Variants in PDE3B observed in about 807,000 individuals in gnomAD.
PDE3B encodes phosphodiesterase 3B, also known as cGMP-inhibited 3',5'-cyclic phosphodiesterase 3B.
PDE3B carries 66 observed loss-of-function variants against 116.8 expected under a neutral mutation model. That is an observed-to-expected ratio of 0.56 (90% confidence interval 0.46 to 0.69). The LOEUF (loss-of-function observed/expected upper bound fraction) is 0.69. PDE3B is among the 30% of genes least tolerant of loss of function. The probability of loss-of-function intolerance (pLI) is 0.00; values close to 1 mark genes in which losing one functional copy is unlikely to be tolerated. For missense variants in PDE3B, 1,384 were observed against 1,368.1 expected (o/e 1.01, Z -0.18); for synonymous variants, 595 against 533.6 (o/e 1.12, Z -1.59).
chr11:14,833,276 TA>T (rs1226379444), intron 10 of PDE3B, among the ~76,000 whole-genome samples: 1 of 152,188 alleles, frequency 6.6e-6, no homozygotes. Flanking sequence ...AATGGAGTTT[TA>T]AAAAGAATAT....
chr11:14,858,808 T>C (rs1847894703), intron 12 of PDE3B, among the ~76,000 whole-genome samples: 2 of 152,204 alleles, frequency 1.3e-5, no homozygotes. Context: ...TATATAACCC[T>C]TTCACTTACT....
intron 1 of PDE3B, among the ~76,000 whole-genome samples, chr11:14,672,331 G>A (rs991861720): frequency 1.3e-5 from 2 of 151,864 alleles, no homozygotes; most frequent in African/African-American, 4.8e-5. Flanking sequence ...ATACGTAAGT[G>A]CAATAAGGTA....
At position 14,872,006 on chromosome 11, in the gene PDE3B, C is replaced by A. The variant is rs1209330460; in HGVS notation, c.*2346C>A. On this transcript the variant is annotated 3_prime_UTR_variant, in exon 16 of 16. Transcript: ENST00000282096. Reference sequence around the variant, plus strand: ...TTTTAATGCTATATCTATGTACCTACTGACACATTTTTCTCCATAAAAGTA... The same window carrying A: ...TTTTAATGCTATATCTATGTACCTAATGACACATTTTTCTCCATAAAAGTA... 3.3e-5 allele frequency: 5 copies of A among 152,182 alleles called. No individual in the cohort carries two copies. The East Asian group carries it at 7.7e-4, about 23-fold the overall frequency. 9.4% of individuals were successfully genotyped at this position (152,182 alleles called of 1,614,324 possible). A position where few individuals can be genotyped will look rare whatever the true frequency, so the allele number is the denominator to read the frequency against.
intron 12 of PDE3B, among the ~76,000 whole-genome samples, chr11:14,846,804 T>C (rs1345385082): frequency 5.3e-5 from 8 of 152,078 alleles, no homozygotes; most frequent in African/African-American, 1.4e-4. Flanking sequence ...CCTAAATATA[T>C]ATGCACCCAA....
chr11:14,768,204 A>G (rs1857548784), intron 1 of PDE3B, among the ~76,000 whole-genome samples: 2 of 151,530 alleles, frequency 1.3e-5, no homozygotes. Context: ...ATTCATCTTA[A>G]CTTTTACTAA....
rs768642591 is a variant in PDE3B at position 14,644,458 on chromosome 11, C to T, written c.383C>T (p.Ala128Val). The T allele has an allele frequency of 3.1e-6, 5 of 1,613,156 alleles. No homozygotes were observed. The Admixed American group carries it at 6.7e-5, about 22-fold the overall frequency. ...SLSPLFSIAC[A>V]FFFLTCFLTR... ...AGCCCCCTCTTCAGCATCGCCTGTG[C>T]CTTCTTCTTCCTCACCTGCTTCCTC... Residue 128 changes from alanine (A) to valine (V), a missense_variant, in exon 1 of 16, where the codon GCC (alanine) becomes GTC (valine). Coordinates refer to ENST00000282096, the MANE Select transcript of PDE3B (RefSeq NM_000922.4).
intron 1 of PDE3B, among the ~76,000 whole-genome samples, chr11:14,729,970 G>A (rs140421406): frequency 2.1e-3 from 320 of 152,198 alleles, no homozygotes; most frequent in Non-Finnish European, 3.7e-3. Context: ...GAGGGTTGTA[G>A]AACTAGGCTC....
chr11:14,854,533 TTG>T (rs1847813297), intron 12 of PDE3B, among the ~76,000 whole-genome samples: 1 of 152,062 alleles, frequency 6.6e-6, no homozygotes, highest in African/African-American at 2.4e-5. Context: ...TTTTTTTTTT[TTG>T]TGAGACAGGG....
At chr11:14,776,540 C>T (rs544316420) in intron 2 of PDE3B, 181 of 152,254 alleles carry the variant, frequency 1.2e-3, no homozygotes, top group African/African-American at 4.0e-3. Flanking sequence ...TGCTAGATGA[C>T]GAGTTAGTGG....
chr11:14,761,126 C>T (rs1204175078), intron 1 of PDE3B, among the ~76,000 whole-genome samples: 6 of 151,896 alleles, frequency 4.0e-5, no homozygotes, highest in Admixed American at 1.3e-4. Flanking sequence ...TCCTAATAAA[C>T]GAGCAGCGCT....
chr11:14,796,609 G>T (rs1218058172), intron 4 of PDE3B, among the ~76,000 whole-genome samples: 1 of 152,144 alleles, frequency 6.6e-6, no homozygotes, highest in East Asian at 1.9e-4. Flanking sequence ...TTGCATTTCT[G>T]TAAGGACCAG....
At chr11:14,832,666 A>G in intron 9 of PDE3B, 56 bp from the exon 10 acceptor site, 3 of 664,498 alleles carry the variant, frequency 4.5e-6, no homozygotes, top group Non-Finnish European at 7.8e-6. Flanking sequence ...CATTATACTC[A>G]GCTACAAATA....
intron 15 of PDE3B, 77 bp downstream of exon 15, chr11:14,867,835 A>G: frequency 7.4e-7 from 1 of 1,358,140 alleles, no homozygotes; most frequent in East Asian, 2.5e-5. Flanking sequence ...GAAATATGAA[A>G]TGCTCCAAAA....
At chr11:14,667,623 G>A (rs1256470267) in intron 1 of PDE3B, among the ~76,000 whole-genome samples, 5 of 150,766 alleles carry the variant, frequency 3.3e-5, no homozygotes, top group African/African-American at 1.2e-4. Flanking sequence ...TCACTGATAG[G>A]TGGGAATTGA....
intron 1 of PDE3B, chr11:14,699,138 G>A (rs1336618354): frequency 6.6e-6 from 1 of 151,938 alleles, no homozygotes; most frequent in Non-Finnish European, 1.5e-5. Context: ...GAACAAATAA[G>A]TTTTATTTCT....
chr11:14,671,058 A>G (rs939869828), intron 1 of PDE3B, among the ~76,000 whole-genome samples: 7 of 152,126 alleles, frequency 4.6e-5, no homozygotes, highest in Admixed American at 6.6e-5. Context: ...ATTGCGCTGG[A>G]TACTGTGATT....
intron 1 of PDE3B, chr11:14,700,667 T>C (rs899518728): frequency 1.3e-5 from 2 of 151,784 alleles, no homozygotes; most frequent in Non-Finnish European, 3.0e-5. Context: ...TTTTCTGATG[T>C]TCAAGTGGCA....
chr11:14,883,121 T>C, the PDE3B span, among the ~76,000 whole-genome samples: 5 of 152,156 alleles, frequency 3.3e-5, no homozygotes, highest in Admixed American at 2.0e-4. Context: ...AGGTAATTTA[T>C]AGATTCAATG....
rs549224717 is a variant in PDE3B at position 14,779,426 on chromosome 11, G to A, written c.1030-7011G>A. On this transcript the variant is annotated intron_variant, in intron 2 of 15. Coordinates refer to ENST00000282096, the MANE Select transcript of PDE3B (RefSeq NM_000922.4). ...TTAAGGGCAGCCAGAGAGAAAGGTC[G>A]GGTTACCCACAAAGGGAAGCCCATC... Among the ~76,000 whole-genome samples, 44 of 152,282 alleles carry A rather than the reference G, an allele frequency of 2.9e-4. No individual in the cohort carries two copies. In the South Asian group the frequency reaches 5.8e-3, roughly 20 times the overall value.
Sources: gnomAD v4.1 joint callset for allele counts (sites outside exome capture counted in the v4.1 genomes callset) on GRCh38, gnomAD v4.1.1 for gene constraint, MANE v1.5 for transcripts, NCBI Gene and HGNC (gene_info 2026-07-23, HGNC 2026-07-21) for gene names.